PRDM16: variants seen among roughly 807,000 people sequenced by gnomAD.
PRDM16 encodes the protein PR/SET domain 16.
PRDM16 carries 23 observed loss-of-function variants against 110.6 expected under a neutral mutation model. The observed-to-expected ratio is 0.21, with a 90% confidence interval of 0.15 to 0.29. The LOEUF (loss-of-function observed/expected upper bound fraction) is 0.29. Among genes scored for constraint, PRDM16 ranks in the 10% least tolerant of loss-of-function variants. The probability of loss-of-function intolerance (pLI) is 1.00; values close to 1 mark genes in which losing one functional copy is unlikely to be tolerated. For synonymous variants in PRDM16, 799 were observed against 781.8 expected (o/e 1.02, Z -0.37); for missense variants, 1,615 against 1,794.3 (o/e 0.90, Z 1.81).
chr1:3,118,815 G>A (rs564845625), intron 1 of PRDM16, among the ~76,000 whole-genome samples: 7 of 152,342 alleles, frequency 4.6e-5, no homozygotes, highest in Non-Finnish European at 7.4e-5. Flanking sequence ...GTGTGTGCAC[G>A]TGCATGCGCT....
In PRDM16 at chr1:3,206,879, T is replaced by G; in HGVS notation, c.387+20405T>G. ...CTGGGACCTGTGCAGCTGGGTGGAG[T>G]AGAAAGGGATGAAAGGAGGAGGGGC... On this transcript the variant is annotated intron_variant, in intron 2 of 16. Coordinates refer to ENST00000270722, the MANE Select transcript of PRDM16 (RefSeq NM_022114.4). This position sits in a 1 kb window ranked among gnomAD's most constrained non-coding sequence, Gnocchi z 4.9. The G allele has an allele frequency of 6.7e-6, 1 of 149,546 alleles. No individual in the cohort carries two copies. The highest frequency in any genetic ancestry group is 1.5e-5 in the Non-Finnish European group (1 of 67,440). 9.3% of individuals were successfully genotyped at this position (149,546 alleles called of 1,614,324 possible).
At chr1:3,395,639 A>G (rs796618639) in intron 4 of PRDM16, among the ~76,000 whole-genome samples, 19 of 152,332 alleles carry the variant, frequency 1.2e-4, no homozygotes, top group African/African-American at 4.6e-4. Flanking sequence ...TGCTGGCGGC[A>G]TGGCCCGTGC....
chr1:3,274,714 G>T (rs745933661), intron 3 of PRDM16, among the ~76,000 whole-genome samples: 1 of 152,230 alleles, frequency 6.6e-6, no homozygotes, highest in Non-Finnish European at 1.5e-5. Context: ...GCACAAAGTC[G>T]CTGGAGCTGA....
chr1:3,280,581 G>C (rs1051452661), intron 3 of PRDM16, among the ~76,000 whole-genome samples: 1 of 152,204 alleles, frequency 6.6e-6, no homozygotes, highest in Non-Finnish European at 1.5e-5. Flanking sequence ...ACTCCCACCT[G>C]GAGCCTGGAG....
chr1:3,075,499 A>G (rs962166786), intron 1 of PRDM16, among the ~76,000 whole-genome samples: 3 of 152,254 alleles, frequency 2.0e-5, no homozygotes, highest in Non-Finnish European at 2.9e-5. Flanking sequence ...CAGCTTAAAC[A>G]CTGGCATTTG....
intron 14 of PRDM16, 141 bp from the exon 15 acceptor site, chr1:3,430,731 A>C: frequency 1.0e-6 from 1 of 983,288 alleles, no homozygotes; most frequent in East Asian, 2.4e-5. Flanking sequence ...GGGCCCAGGG[A>C]CCCGCGGGAG....
At chr1:3,234,054 C>G (rs1172775037) in intron 2 of PRDM16, among the ~76,000 whole-genome samples, 1 of 152,074 alleles carries the variant, frequency 6.6e-6, no homozygotes, top group Admixed American at 6.5e-5. Flanking sequence ...ACGCTCCCAC[C>G]AGGCTGGATG....
rs1436100471 is a variant in PRDM16 at position 3,339,689 on chromosome 1, G to T, written c.439-45463G>T. On this transcript the variant is annotated intron_variant, in intron 3 of 16. Coordinates refer to ENST00000270722, the MANE Select transcript of PRDM16 (RefSeq NM_022114.4). This position sits in a 1 kb window ranked among gnomAD's most constrained non-coding sequence, Gnocchi z 5.0. The stretch of plus-strand genomic sequence containing the variant: ...CTGCATTGTGTGTGTGGTGGGGGGT[G>T]TGCAGAGCTCAGTTACCCCATCTGC... 6.6e-6 allele frequency among the ~76,000 whole-genome samples: 1 copy of T among 152,136 alleles called. No homozygotes were observed. Among genetic ancestry groups the T allele is most frequent in the African/African-American group, 2.4e-5 (1 of 41,430 alleles).
At chr1:3,142,876 A>G (rs1232620993) in intron 1 of PRDM16, among the ~76,000 whole-genome samples, 4 of 152,190 alleles carry the variant, frequency 2.6e-5, no homozygotes, top group Non-Finnish European at 1.5e-5. Context: ...AGGGTAGCCC[A>G]GGCAAGGGAC....
intron 8 of PRDM16, among the ~76,000 whole-genome samples, chr1:3,409,824 GTT>G (rs1643643744): frequency 1.6e-5 from 1 of 63,124 alleles, no homozygotes; most frequent in Non-Finnish European, 2.8e-5. Flanking sequence ...CATGTGTGTG[GTT>G]GTGTGTGGGT....
intron 1 of PRDM16, among the ~76,000 whole-genome samples, chr1:3,146,733 TTGTG>T (rs1225775814): frequency 1.4e-5 from 1 of 70,836 alleles, no homozygotes; most frequent in Non-Finnish European, 2.8e-5. Flanking sequence ...TCGGTGTGGG[TTGTG>T]TGAGTGCACG....
At position 3,201,929 on chromosome 1, in the gene PRDM16, G is replaced by A. The variant is rs1638639272; in HGVS notation, c.387+15455G>A. Among the ~76,000 whole-genome samples the A allele has an allele frequency of 6.6e-6, 1 of 152,308 alleles. No homozygotes were observed. The highest frequency in any genetic ancestry group is 3.4e-3 in the Middle Eastern group (1 of 294). ...CCTCCAAGTGGAGCCTTCGAGCAAG[G>A]GGTCCAGCTCCTGTAGGTTTCTTGC... is the stretch of plus-strand genomic sequence containing the variant. On this transcript the variant is annotated intron_variant, in intron 2 of 16. Coordinates refer to ENST00000270722, the MANE Select transcript of PRDM16 (RefSeq NM_022114.4). The surrounding 1 kb of genome is among the most constrained non-coding windows in gnomAD (Gnocchi z 4.1).
Position 3,246,813 on chromosome 1 carries a change from G to A in PRDM16, c.438+2676G>A, listed in dbSNP as rs1477067401. Among the ~76,000 whole-genome samples the A allele has an allele frequency of 6.6e-6, 1 of 152,152 alleles. No individual in the cohort carries two copies. The highest frequency in any genetic ancestry group is 1.5e-5 in the Non-Finnish European group (1 of 68,024). On this transcript the variant is annotated intron_variant, in intron 3 of 16. Coordinates refer to ENST00000270722, the MANE Select transcript of PRDM16 (RefSeq NM_022114.4). This position sits in a 1 kb window ranked among gnomAD's most constrained non-coding sequence, Gnocchi z 5.2. ...ATTTCTAGGCACTCTCGGGGAGCCGGGGGGGTTGGGGCTGAGAGACTGAGA... is the reference window on the plus strand; with the variant it reads ...ATTTCTAGGCACTCTCGGGGAGCCGAGGGGGTTGGGGCTGAGAGACTGAGA...
At chr1:3,159,664 G>A (rs76412055) in intron 1 of PRDM16, among the ~76,000 whole-genome samples, 2,034 of 152,326 alleles carry the variant, frequency 0.013, 84 homozygotes, top group East Asian at 0.11. Context: ...ACGGGTGGGT[G>A]GTGGGCCAGT....
chr1:3,153,634 G>A (rs996383525), intron 1 of PRDM16, among the ~76,000 whole-genome samples: 4 of 152,202 alleles, frequency 2.6e-5, no homozygotes, highest in Admixed American at 2.0e-4. Flanking sequence ...AGAGAGCCCC[G>A]ATTCACCCTT....
At chr1:3,261,851 C>T (rs924982172) in intron 3 of PRDM16, among the ~76,000 whole-genome samples, 1 of 152,192 alleles carries the variant, frequency 6.6e-6, no homozygotes, top group Non-Finnish European at 1.5e-5. Context: ...GCTCAGTTGA[C>T]AGGTTGTCTG....
In PRDM16 at chr1:3,081,575, A is replaced by G. The variant is rs1172734187; in HGVS notation, c.37+12279A>G. Among the ~76,000 whole-genome samples, 2 of 152,140 alleles carry G rather than the reference A, an allele frequency of 1.3e-5. No individual in the cohort carries two copies. The highest frequency in any genetic ancestry group is 2.9e-5 in the Non-Finnish European group (2 of 68,012). ...CTACTGCTTGGCATCACCTACAGGGATGGCGGCGGCCAGGGTTGGTCTTCC... is the reference window on the plus strand; with the variant it reads ...CTACTGCTTGGCATCACCTACAGGGGTGGCGGCGGCCAGGGTTGGTCTTCC... On this transcript the variant is annotated intron_variant, in intron 1 of 16. Transcript: ENST00000270722. The surrounding 1 kb of genome is among the most constrained non-coding windows in gnomAD (Gnocchi z 4.6).
chr1:3,085,284 T>G (rs2742681), intron 1 of PRDM16, among the ~76,000 whole-genome samples: 131,299 of 152,202 alleles, frequency 0.86, 56,716 homozygotes, highest in East Asian at 0.98. Context: ...ACGGCTATGG[T>G]GGCCTTCGCT....
intron 1 of PRDM16, among the ~76,000 whole-genome samples, chr1:3,115,547 C>T (rs950512847): frequency 2.0e-5 from 3 of 152,194 alleles, no homozygotes; most frequent in Non-Finnish European, 4.4e-5. Flanking sequence ...TGGACAAAGG[C>T]GAGATCCCCC....
Sources: gnomAD v4.1 joint callset for allele counts (sites outside exome capture counted in the v4.1 genomes callset) on GRCh38, gnomAD v4.1.1 for gene constraint, Gnocchi (gnomAD v3.1) non-coding constraint, MANE v1.5 for transcripts, NCBI Gene and HGNC (gene_info 2026-07-23, HGNC 2026-07-21) for gene names.